AFAP1L1: variants seen among roughly 807,000 people sequenced by gnomAD.
AFAP1L1 encodes the protein actin filament-associated protein 1-like 1.
AFAP1L1 carries 77 observed loss-of-function variants against 99.8 expected under a neutral mutation model. That is an observed-to-expected ratio of 0.77 (90% confidence interval 0.64 to 0.93). AFAP1L1 has a LOEUF of 0.93. Ranked by LOEUF, AFAP1L1 falls within the 40% of genes least tolerant of loss-of-function variation. The pLI is 0.00. For missense variants in AFAP1L1, 893 were observed against 996.8 expected (o/e 0.90, Z 1.40); for synonymous variants, 373 against 395.3 (o/e 0.94, Z 0.67).
At chr5:149,276,463 T>TG (rs1365988056) in intron 1 of AFAP1L1, among the ~76,000 whole-genome samples, 2 of 152,232 alleles carry the variant, frequency 1.3e-5, no homozygotes, top group Admixed American at 1.3e-4. Context: ...CCAATGTCTA[T>TG]GGACACCGCC....
chr5:149,302,453 TC>T lies in AFAP1L1; in HGVS notation c.368del (p.Pro123LeufsTer49). On this transcript the variant is annotated frameshift_variant, in exon 5 of 19. Transcript: ENST00000296721. LOFTEE classifies it high-confidence loss of function. Reference sequence around the variant, plus strand: ...TGCCTCCACCGCTCCCCAACAAGCCTCCCCCTGAGGACTACTATGAAGAGGC... The same window carrying T: ...TGCCTCCACCGCTCCCCAACAAGCCTCCCCTGAGGACTACTATGAAGAGGC... ...DLPPPLPNKP[P>X]PEDYYEEALP... The T allele has an allele frequency of 6.3e-7, 1 of 1,595,212 alleles. No individual in the cohort carries two copies. The highest frequency in any genetic ancestry group is 1.1e-5 in the South Asian group (1 of 87,478).
chr5:149,329,899 G>A, intron 16 of AFAP1L1, 69 bp downstream of exon 16: 1 of 1,414,096 alleles, frequency 7.1e-7, no homozygotes, highest in Non-Finnish European at 9.3e-7. Context: ...GTAAAGGGAG[G>A]TCTCTTGCAC....
intron 17 of AFAP1L1, 49 bp from the exon 18 acceptor site, chr5:149,335,545 G>A (rs1340739957): frequency 6.3e-7 from 1 of 1,593,334 alleles, no homozygotes; most frequent in East Asian, 2.3e-5. Flanking sequence ...GGGTGTGTAG[G>A]TAGCCATCAC....
rs967601848 is a variant in AFAP1L1 at position 149,308,176 on chromosome 5, G to C, written c.747+563G>C. Among the ~76,000 whole-genome samples, 5 of 152,066 alleles carry C rather than the reference G, an allele frequency of 3.3e-5. No individual in the cohort carries two copies. In the East Asian group the frequency reaches 9.7e-4, roughly 29 times the overall value. On this transcript the variant is annotated intron_variant, in intron 7 of 18. Transcript: ENST00000296721. ...AAACCAAAAAAAAGACCTGATACAG[G>C]CTTTACCATGTTTTTGTTTTGACAA...
At position 149,332,810 on chromosome 5, in the gene AFAP1L1, G is replaced by A; in HGVS notation, c.2091G>A (p.Leu697=). 1 of 1,612,818 alleles carries A rather than the reference G, an allele frequency of 6.2e-7. No individual in the cohort carries two copies. The highest frequency in any genetic ancestry group is 8.5e-7 in the Non-Finnish European group (1 of 1,179,876). ...ELKLVAVKER[L]QQSLAGGPAL... is the part of the protein sequence containing the mutation. Reference sequence around the variant, plus strand: ...AGCTGGTGGCTGTGAAGGAGCGCTTGCAGCAGTCCCTGGCAGGAGGGCCAG... The same window carrying A: ...AGCTGGTGGCTGTGAAGGAGCGCTTACAGCAGTCCCTGGCAGGAGGGCCAG... Residue 697 remains leucine, a synonymous_variant, in exon 17 of 19, where the codon TTG becomes TTA. Transcript: ENST00000296721.
Position 149,301,176 on chromosome 5 carries a change from G to A in AFAP1L1, c.273G>A (p.Gly91=), listed in dbSNP as rs1395637945. 3.1e-6 allele frequency: 5 copies of A among 1,613,926 alleles called. No homozygotes were observed. The African/African-American group carries it at 5.3e-5, about 17-fold the overall frequency. ...SDLRDMPEDD[G]EPSKGASPEL... ...TTCGGGACATGCCAGAGGATGATGG[G>A]GAGCCCAGCAAAGGAGCCAGCCCTG... Residue 91 remains glycine (G), a synonymous_variant, in exon 4 of 19, where the codon GGG becomes GGA. Coordinates refer to ENST00000296721, the MANE Select transcript of AFAP1L1 (RefSeq NM_152406.4).
In AFAP1L1 at chr5:149,331,026, GA is replaced by G. The variant is rs551269480; in HGVS notation, c.1975+1200del. ...GAATATAAAGAGTTCAACATTACTG[GA>G]AAACCCTCCGGCACAGCCTCCCTCA... On this transcript the variant is annotated intron_variant, in intron 16 of 18. Transcript: ENST00000296721. Among the ~76,000 whole-genome samples, 674 of 152,036 alleles carry G rather than the reference GA, an allele frequency of 4.4e-3. 4 individuals carry two copies. The highest frequency in any genetic ancestry group is 7.5e-3 in the Non-Finnish European group (509 of 68,016).
At chr5:149,329,200 A>G (rs1757181063) in intron 15 of AFAP1L1, among the ~76,000 whole-genome samples, 1 of 152,192 alleles carries the variant, frequency 6.6e-6, no homozygotes, top group African/African-American at 2.4e-5. Flanking sequence ...ACTATTTGCC[A>G]GGTACTATAC....
intron 1 of AFAP1L1, among the ~76,000 whole-genome samples, chr5:149,290,262 A>G (rs748617152): frequency 5.3e-5 from 8 of 152,202 alleles, no homozygotes; most frequent in Non-Finnish European, 1.2e-4. Context: ...TAAATAATAC[A>G]TGTAAATCAC....
chr5:149,280,827 C>G (rs1469508283), intron 1 of AFAP1L1, among the ~76,000 whole-genome samples: 1 of 152,186 alleles, frequency 6.6e-6, no homozygotes, highest in African/African-American at 2.4e-5. Context: ...CCTTCCCTCC[C>G]CTGCCCTCCA....
intron 17 of AFAP1L1, 38 bp downstream of exon 17, chr5:149,332,911 C>T: frequency 6.6e-7 from 1 of 1,514,254 alleles, no homozygotes; most frequent in South Asian, 1.3e-5. Context: ...GCAGCTACTC[C>T]TATGTCCCTC....
chr5:149,322,261 G>A (rs1756971617), intron 14 of AFAP1L1, among the ~76,000 whole-genome samples: 1 of 151,952 alleles, frequency 6.6e-6, no homozygotes, highest in Non-Finnish European at 1.5e-5. Context: ...TTCTTTTTGA[G>A]GCAATTCAGA....
chr5:149,280,984 C>G (rs1037341521), intron 1 of AFAP1L1, among the ~76,000 whole-genome samples: 1 of 152,206 alleles, frequency 6.6e-6, no homozygotes, highest in Non-Finnish European at 1.5e-5. Flanking sequence ...TGAGAACATA[C>G]CTTTTTTTAA....
intron 1 of AFAP1L1, among the ~76,000 whole-genome samples, chr5:149,294,695 C>T (rs556550360): frequency 3.9e-5 from 6 of 152,274 alleles, no homozygotes; most frequent in African/African-American, 7.2e-5. Context: ...TTCAGCCTCA[C>T]GGTGAGGGTT....
chr5:149,316,387 C>A, intron 11 of AFAP1L1, 84 bp downstream of exon 11: 2 of 1,504,432 alleles, frequency 1.3e-6, no homozygotes, highest in Admixed American at 1.9e-5. Context: ...CCTCATGCCT[C>A]GTCCACCTCA....
intron 18 of AFAP1L1, 121 bp from the exon 19 acceptor site, chr5:149,339,886 T>C (rs1757513671): frequency 2.0e-6 from 2 of 988,834 alleles, no homozygotes; most frequent in African/African-American, 1.6e-5. Context: ...GAGAGGGGGT[T>C]AGAACCCAAC....
chr5:149,316,041 C>T (rs2127598527), intron 10 of AFAP1L1, 110 bp from the exon 11 acceptor site: 1 of 1,571,742 alleles, frequency 6.4e-7, no homozygotes, highest in Non-Finnish European at 8.7e-7. Context: ...GGCCTGCCAT[C>T]CCTGGAGCTG....
At chr5:149,326,119 G>A (rs544629376) in intron 15 of AFAP1L1, among the ~76,000 whole-genome samples, 1 of 152,292 alleles carries the variant, frequency 6.6e-6, no homozygotes, top group Admixed American at 6.5e-5. Flanking sequence ...GACTTTAGTT[G>A]GAACAGAGTG....
intron 15 of AFAP1L1, among the ~76,000 whole-genome samples, chr5:149,328,473 G>T (rs1200165484): frequency 1.3e-5 from 2 of 152,130 alleles, no homozygotes; most frequent in Non-Finnish European, 2.9e-5. Context: ...CCTAACCTCT[G>T]TGTGCCTCAG....
Sources: gnomAD v4.1 joint callset for allele counts (sites outside exome capture counted in the v4.1 genomes callset) on GRCh38, gnomAD v4.1.1 for gene constraint, MANE v1.5 for transcripts, NCBI Gene and HGNC (gene_info 2026-07-23, HGNC 2026-07-21) for gene names.